The following USP46 variants were observed in gnomAD, a reference collection of about 807,000 sequenced individuals.
USP46 encodes ubiquitin specific peptidase 46, also known as ubiquitin carboxyl-terminal hydrolase 46.
In USP46, 12 loss-of-function variants were observed where a neutral mutation model predicts 44.4. The observed-to-expected ratio is 0.27, with a 90% CI of 0.17 to 0.44. The LOEUF is 0.44. Among genes scored for constraint, USP46 ranks in the 20% least tolerant of loss-of-function variants. The probability of loss-of-function intolerance (pLI) is 1.00; values close to 1 mark genes in which losing one functional copy is unlikely to be tolerated. For synonymous variants in USP46, 155 were observed against 161.5 expected (o/e 0.96, Z 0.31); for missense variants, 248 against 444.8 (o/e 0.56, Z 3.98).
At chr4:52,631,011 T>C in intron 2 of USP46, 53 bp downstream of exon 2, 1 of 1,457,216 alleles carries the variant, frequency 6.9e-7, no homozygotes, top group African/African-American at 1.4e-5. Context: ...AAAGTGGAGT[T>C]GCTTCATATA....
chr4:52,601,890 T>C lies in USP46; in HGVS notation c.887A>G (p.Tyr296Cys). 1 of 1,613,874 alleles carries C rather than the reference T, an allele frequency of 6.2e-7. No homozygotes were observed. The highest frequency in any genetic ancestry group is 8.5e-7 in the Non-Finnish European group (1 of 1,179,846). Reference sequence around the variant, plus strand: ...GTGAACGACCACCGCAACCAAGTCATACATGCGGTCCAGGTTCACTGCATC... The same window carrying C: ...GTGAACGACCACCGCAACCAAGTCACACATGCGGTCCAGGTTCACTGCATC... ...SSDAVNLDRM[Y>C]DLVAVVVHCG... The change falls in exon 7 of 9, where the codon TAT (tyrosine) becomes TGT (cysteine). Residue 296 changes from tyrosine (Y) to cysteine (C), a missense_variant. This residue lies in a region of USP46 where 98 missense variants were observed against 218.2 expected (regional missense o/e 0.45). Coordinates refer to ENST00000441222, the MANE Select transcript of USP46 (RefSeq NM_022832.4).
intron 1 of USP46, among the ~76,000 whole-genome samples, chr4:52,631,432 G>A (rs866678235): frequency 5.3e-5 from 8 of 152,210 alleles, no homozygotes; most frequent in South Asian, 2.1e-4. Flanking sequence ...ACAAACAATC[G>A]CCAAGAACTT....
At chr4:52,656,511 TTATATTA>T in intron 1 of USP46, 3 of 1,428,872 alleles carry the variant, frequency 2.1e-6, no homozygotes, top group Non-Finnish European at 2.7e-6. Flanking sequence ...TGGGAGGTGT[TTATATTA>T]GTGGTTGCTT....
At chr4:52,605,690 G>A (rs924741781) in intron 5 of USP46, among the ~76,000 whole-genome samples, 1 of 152,148 alleles carries the variant, frequency 6.6e-6, no homozygotes, top group African/African-American at 2.4e-5. Context: ...AGAGATGTGT[G>A]CAAATGAACC....
chr4:52,654,247 T>C (rs757083962), intron 1 of USP46, among the ~76,000 whole-genome samples: 14 of 152,226 alleles, frequency 9.2e-5, no homozygotes, highest in Non-Finnish European at 1.0e-4. Flanking sequence ...GACCCTCATA[T>C]GACTTTACAC....
chr4:52,624,594 A>G (rs1442061796), intron 4 of USP46, among the ~76,000 whole-genome samples: 1 of 152,188 alleles, frequency 6.6e-6, no homozygotes, highest in Admixed American at 6.5e-5. Context: ...CCCTTTACAT[A>G]GATGTTGATG....
In USP46 at chr4:52,628,552, T is replaced by C. The variant is rs200195059; in HGVS notation, c.118-389A>G. Among the ~76,000 whole-genome samples, 103 of 152,226 alleles carry C rather than the reference T, an allele frequency of 6.8e-4. No homozygotes were observed. The East Asian group carries it at 0.014, about 21-fold the overall frequency. On this transcript the variant is annotated intron_variant, in intron 2 of 8. Transcript: ENST00000441222. ...TAAATAAAAGATGCACATTGCAACA[T>C]ATCAAAACTCCCATGACAGGGAAAA...
chr4:52,613,195 T>C (rs1391161422), intron 4 of USP46, among the ~76,000 whole-genome samples: 1 of 152,032 alleles, frequency 6.6e-6, no homozygotes, highest in African/African-American at 2.4e-5. Flanking sequence ...GAAGACTAAA[T>C]CTGGGAAACC....
chr4:52,609,787 C>A (rs1716851468), intron 5 of USP46, among the ~76,000 whole-genome samples: 5 of 151,402 alleles, frequency 3.3e-5, no homozygotes, highest in Admixed American at 3.3e-4. Context: ...CCCACCCTAG[C>A]CTGAACATTT....
chr4:52,615,217 CAAGT>C (rs1717085885), intron 4 of USP46, among the ~76,000 whole-genome samples: 1 of 151,802 alleles, frequency 6.6e-6, no homozygotes, highest in African/African-American at 2.4e-5. Flanking sequence ...CTAATAATTA[CAAGT>C]AAGAGACAAA....
chr4:52,614,307 T>A (rs1717043495), intron 4 of USP46, among the ~76,000 whole-genome samples: 1 of 152,092 alleles, frequency 6.6e-6, no homozygotes, highest in Non-Finnish European at 1.5e-5. Flanking sequence ...AGACATCCAT[T>A]AATAGATTCA....
intron 3 of USP46, 47 bp from the exon 4 acceptor site, chr4:52,626,294 A>G (rs1455252008): frequency 1.3e-6 from 2 of 1,506,184 alleles, no homozygotes; most frequent in African/African-American, 2.8e-5. Flanking sequence ...CTTGAAAAGC[A>G]AATGGATGTA....
rs17051590 is a variant in USP46 at position 52,598,664 on chromosome 4, G to A, written c.963C>T (p.His321=). 2,861 of 1,610,496 alleles carry A rather than the reference G, an allele frequency of 1.8e-3. 31 individuals are homozygous for A. The African/African-American group carries it at 0.033, about 19-fold the overall frequency. The part of the protein sequence containing the change: ...RGHYITIVKS[H]GFWLLFDDDI... ...CATCATCAAACAAAAGCCAGAAGCC[G>A]TGACTTTTCACAATAGTGATATAAT... Residue 321 remains histidine (H), a synonymous_variant, in exon 8 of 9, where the codon CAC becomes CAT. Coordinates refer to ENST00000441222, the MANE Select transcript of USP46 (RefSeq NM_022832.4).
chr4:52,632,990 A>AAAGAAAAGAAAGAAAG, intron 1 of USP46, among the ~76,000 whole-genome samples: 2 of 66,294 alleles, frequency 3.0e-5, no homozygotes, highest in African/African-American at 6.1e-5. Context: ...GAAAGAAAAG[A>AAAGAAAAGAAAGAAAG]AAAGAAAGAA....
chr4:52,605,376 T>C (rs981968838), intron 5 of USP46, among the ~76,000 whole-genome samples: 1 of 152,232 alleles, frequency 6.6e-6, no homozygotes, highest in Non-Finnish European at 1.5e-5. Context: ...ATCAAGATTC[T>C]ACTTAACATT....
chr4:52,612,122 T>A (rs1023458250), intron 4 of USP46, among the ~76,000 whole-genome samples: 8 of 152,084 alleles, frequency 5.3e-5, no homozygotes, highest in African/African-American at 1.7e-4. Context: ...ACTCAATAAA[T>A]TAGGAAGGGA....
chr4:52,632,575 C>T (rs888817948), intron 1 of USP46, among the ~76,000 whole-genome samples: 3 of 152,034 alleles, frequency 2.0e-5, no homozygotes, highest in African/African-American at 7.2e-5. Flanking sequence ...AATTCCAGCA[C>T]TTTGGGAGGC....
intron 4 of USP46, among the ~76,000 whole-genome samples, chr4:52,612,673 A>G (rs541566872): frequency 3.9e-5 from 6 of 152,246 alleles, no homozygotes; most frequent in Non-Finnish European, 8.8e-5. Context: ...AGCCCAATCT[A>G]GAGTAAAACC....
intron 1 of USP46, among the ~76,000 whole-genome samples, chr4:52,639,446 T>G (rs1718245392): frequency 6.6e-6 from 1 of 152,138 alleles, no homozygotes; most frequent in South Asian, 2.1e-4. Context: ...CCAGTTTCCA[T>G]CTTTGGAACC....
Sources: allele counts gnomAD v4.1 joint callset (sites outside exome capture counted in the v4.1 genomes callset), GRCh38; gene constraint gnomAD v4.1.1; regional missense constraint gnomAD v4.1.1; transcripts MANE v1.5; gene names NCBI Gene and HGNC (gene_info 2026-07-23, HGNC 2026-07-21).